The following SNX29 variants were observed in gnomAD, a reference collection of about 807,000 sequenced individuals.
SNX29 encodes the protein sorting nexin 29, also known as sorting nexin-29.
Under a neutral mutation model 102.1 loss-of-function variants are expected in SNX29, and 78 were observed. That is an observed-to-expected ratio of 0.76 (90% CI 0.64 to 0.92). The LOEUF (loss-of-function observed/expected upper bound fraction) is 0.92, where lower values mean the gene tolerates loss of function less well. Among genes scored for constraint, SNX29 ranks in the 40% least tolerant of loss-of-function variants. The pLI, the probability that SNX29 is intolerant of heterozygous loss-of-function variation, is 0.00. For missense variants in SNX29, 1,280 were observed against 1,061.7 expected (o/e 1.21, Z -2.86); for synonymous variants, 580 against 414.5 (o/e 1.40, Z -4.85).
chr16:12,485,795 T>A (rs77136218), intron 19 of SNX29, among the ~76,000 whole-genome samples: 10,977 of 152,240 alleles, frequency 0.072, 502 homozygotes, highest in African/African-American at 0.13. Flanking sequence ...CTATATGAGC[T>A]GCAGGGAACC....
chr16:12,505,456 G>A (rs74686472), intron 19 of SNX29, among the ~76,000 whole-genome samples: 3,767 of 152,126 alleles, frequency 0.025, 152 homozygotes, highest in African/African-American at 0.085. Context: ...TAGAATTTCA[G>A]TTCTTTTTCA....
chr16:12,507,736 A>G (rs1269615606), intron 19 of SNX29, among the ~76,000 whole-genome samples: 1 of 152,160 alleles, frequency 6.6e-6, no homozygotes, highest in African/African-American at 2.4e-5. Flanking sequence ...TCTAGAGTAT[A>G]TAGTGCTCTG....
intron 3 of SNX29, among the ~76,000 whole-genome samples, chr16:12,008,364 G>GA (rs1476775310): frequency 6.6e-6 from 1 of 152,156 alleles, no homozygotes; most frequent in African/African-American, 2.4e-5. Context: ...CTGCCTCCTG[G>GA]GTTCAAGCGA....
chr16:12,000,633 C>G (rs2056254668), intron 2 of SNX29: 1 of 152,694 alleles, frequency 6.5e-6, no homozygotes, highest in African/African-American at 2.4e-5. Context: ...AAGCAATCCT[C>G]CCACCTTAGC....
At chr16:12,395,332 A>T (rs1345909699) in intron 16 of SNX29, among the ~76,000 whole-genome samples, 1 of 152,172 alleles carries the variant, frequency 6.6e-6, no homozygotes, top group Non-Finnish European at 1.5e-5. Context: ...CATCTGCCCC[A>T]AACAACCCAG....
intron 16 of SNX29, among the ~76,000 whole-genome samples, chr16:12,392,462 A>C (rs2083563704): frequency 6.6e-6 from 1 of 152,006 alleles, no homozygotes; most frequent in Non-Finnish European, 1.5e-5. Flanking sequence ...TCATCCATCC[A>C]TCTGTCCATT....
intron 20 of SNX29, among the ~76,000 whole-genome samples, chr16:12,553,700 G>C (rs1198485622): frequency 6.7e-6 from 1 of 149,812 alleles, no homozygotes. Flanking sequence ...AAACAATTCT[G>C]CCTCAGCCTA....
intron 18 of SNX29, among the ~76,000 whole-genome samples, chr16:12,470,924 G>A (rs2087307280): frequency 6.6e-6 from 1 of 152,194 alleles, no homozygotes; most frequent in African/African-American, 2.4e-5. Context: ...AGTGACATTG[G>A]CATTGGCCTG....
At chr16:12,206,865 T>C (rs369943618) in intron 14 of SNX29, among the ~76,000 whole-genome samples, 2 of 147,308 alleles carry the variant, frequency 1.4e-5, no homozygotes, top group Non-Finnish European at 3.0e-5. Context: ...AGTGTGCAGG[T>C]TGGAGTACAG....
intron 19 of SNX29, among the ~76,000 whole-genome samples, chr16:12,481,525 C>G (rs958339726): frequency 1.1e-5 from 1 of 94,954 alleles, no homozygotes; most frequent in South Asian, 5.4e-4. Context: ...CACACACACA[C>G]ACACACACAC....
At chr16:12,486,489 G>A (rs1181848377) in intron 19 of SNX29, among the ~76,000 whole-genome samples, 1 of 152,224 alleles carries the variant, frequency 6.6e-6, no homozygotes, top group Non-Finnish European at 1.5e-5. Context: ...CTTTACAAAT[G>A]GGGCAGCAGA....
intron 3 of SNX29, among the ~76,000 whole-genome samples, chr16:12,012,104 C>G (rs910939390): frequency 7.2e-5 from 11 of 152,258 alleles, no homozygotes; most frequent in Admixed American, 7.2e-4. Context: ...GAGATGGTTG[C>G]TGTCTTCAAG....
At chr16:11,988,893 G>A (rs2055735931) in intron 1 of SNX29, among the ~76,000 whole-genome samples, 1 of 152,166 alleles carries the variant, frequency 6.6e-6, no homozygotes. Context: ...GAGTAACTGT[G>A]ACAGAGAGTG....
At chr16:12,029,489 A>T (rs1392284632) in intron 4 of SNX29, 1 of 452,476 alleles carries the variant, frequency 2.2e-6, no homozygotes, top group African/African-American at 2.0e-5. Flanking sequence ...AGTACAGAAT[A>T]CAGTATGGAG....
chr16:12,020,710 C>T (rs1224576054), intron 3 of SNX29, among the ~76,000 whole-genome samples: 1 of 151,682 alleles, frequency 6.6e-6, no homozygotes, highest in Non-Finnish European at 1.5e-5. Context: ...TGCAACCTCC[C>T]CCTCCTGGGT....
intron 20 of SNX29, among the ~76,000 whole-genome samples, chr16:12,555,318 CCA>C (rs1380063355): frequency 1.3e-5 from 2 of 151,688 alleles, no homozygotes; most frequent in African/African-American, 4.8e-5. Flanking sequence ...TCTCATAGCC[CCA>C]GTGTTTCTTG....
At chr16:12,171,336 G>T (rs1389491525) in intron 13 of SNX29, among the ~76,000 whole-genome samples, 1 of 152,000 alleles carries the variant, frequency 6.6e-6, no homozygotes, top group African/African-American at 2.4e-5. Flanking sequence ...TTTTTGAAGG[G>T]AGGGAGGGAG....
intron 15 of SNX29, among the ~76,000 whole-genome samples, chr16:12,328,007 G>A (rs959403285): frequency 6.6e-6 from 1 of 152,202 alleles, no homozygotes; most frequent in Non-Finnish European, 1.5e-5. Flanking sequence ...GGCATGAGCA[G>A]TGTCACAAAG....
At position 12,570,737 on chromosome 16, in the gene SNX29, C is replaced by G. The variant is rs966322951; in HGVS notation, c.*2108C>G. 8 of 232,362 alleles carry G rather than the reference C, an allele frequency of 3.4e-5. No individual in the cohort carries two copies. Among genetic ancestry groups the G allele is most frequent in the African/African-American group, 1.8e-4 (8 of 45,338 alleles). The allele number at this position is 232,362 out of a possible 1,614,324, so 14.4% of individuals were successfully genotyped here. ...TGTGAATTGGTCTCTCTCCAGATAC[C>G]CCACGAGGAAGCACCTTGGACATTC... On this transcript the variant is annotated 3_prime_UTR_variant, in exon 21 of 21. Transcript: ENST00000566228.
Sources: gnomAD v4.1 joint callset for allele counts (sites outside exome capture counted in the v4.1 genomes callset) on GRCh38, gnomAD v4.1.1 for gene constraint, MANE v1.5 for transcripts, NCBI Gene and HGNC (gene_info 2026-07-23, HGNC 2026-07-21) for gene names.